Variants in RPAP1 observed in about 807,000 individuals in gnomAD.
RPAP1 encodes the protein RNA polymerase II associated protein 1, also known as RNA polymerase II-associated protein 1.
A neutral mutation model predicts 142.4 loss-of-function variants in RPAP1; 109 were observed. The observed-to-expected ratio is 0.77, with a 90% CI of 0.66 to 0.90. RPAP1 has a LOEUF of 0.90. RPAP1 is among the 40% of genes least tolerant of loss of function. The probability of loss-of-function intolerance (pLI) is 0.00; values close to 1 mark genes in which losing one functional copy is unlikely to be tolerated. For synonymous variants in RPAP1, 704 were observed against 738.9 expected (o/e 0.95, Z 0.77); for missense variants, 1,546 against 1,751.7 (o/e 0.88, Z 2.10).
intron 22 of RPAP1, 42 bp from the exon 23 acceptor site, chr15:41,518,224 T>C (rs750442351): frequency 7.3e-6 from 11 of 1,505,358 alleles, no homozygotes; most frequent in Admixed American, 4.6e-5. Context: ...AGGGTAGGAA[T>C]GTATATACAT....
chr15:41,540,197 T>G (rs548539740), intron 1 of RPAP1, among the ~76,000 whole-genome samples: 9 of 152,326 alleles, frequency 5.9e-5, no homozygotes, highest in Non-Finnish European at 1.0e-4. Flanking sequence ...TATTGTTATA[T>G]CTAACACTTA....
rs376725828 is a variant in RPAP1, at chr15:41,530,987, T to C, written c.943+36A>G. ...GGAAAAGGGACAATTTCCCCTACTT[T>C]TATCCACCAAAATATGACCCCCGCC... On this transcript the variant is annotated intron_variant, in intron 7 of 24. Coordinates refer to ENST00000304330, the MANE Select transcript of RPAP1 (RefSeq NM_015540.4). The C allele has an allele frequency of 7.0e-6, 11 of 1,582,376 alleles. No homozygotes were observed. In the African/African-American group the frequency reaches 1.2e-4, roughly 17 times the overall value.
Position 41,522,819 on chromosome 15 carries a change from G to A in RPAP1, c.2688C>T (p.Ala896=), listed in dbSNP as rs1405604517. ...CCAGGGTATTAAGAAGAGAGAGGAGGGCAGTGAGGAATGGGAAGGGTGAGG... is the reference window on the plus strand; with the variant it reads ...CCAGGGTATTAAGAAGAGAGAGGAGAGCAGTGAGGAATGGGAAGGGTGAGG... ...GSASPFPFLT[A]LLSLLNTLAQ... The change falls in exon 19 of 25, where the codon GCC becomes GCT. Residue 896 remains alanine, a synonymous_variant. Coordinates refer to ENST00000304330, the MANE Select transcript of RPAP1 (RefSeq NM_015540.4). 6.3e-7 allele frequency: 1 copy of A among 1,586,188 alleles called. No homozygotes were observed. The highest frequency in any genetic ancestry group is 8.5e-7 in the Non-Finnish European group (1 of 1,171,042).
At chr15:41,531,274 C>G in intron 6 of RPAP1, 72 bp from the exon 7 acceptor site, 1 of 1,429,120 alleles carries the variant, frequency 7.0e-7, no homozygotes, top group South Asian at 1.3e-5. Flanking sequence ...CTGGAACCCG[C>G]TGAATATCGC....
chr15:41,524,001 G>A (rs1347716382), intron 16 of RPAP1, 29 bp from the exon 17 acceptor site: 3 of 1,612,968 alleles, frequency 1.9e-6, no homozygotes, highest in Non-Finnish European at 2.5e-6. Context: ...GTGCCACAGT[G>A]AGGATCTGGC....
chr15:41,536,419 T>C, intron 3 of RPAP1, 82 bp downstream of exon 3: 8 of 1,555,100 alleles, frequency 5.1e-6, no homozygotes, highest in Non-Finnish European at 7.0e-6. Flanking sequence ...CACCCTCCAC[T>C]GATAAGCCTC....
intron 1 of RPAP1, among the ~76,000 whole-genome samples, chr15:41,541,986 G>A (rs1481300795): frequency 6.6e-6 from 1 of 152,170 alleles, no homozygotes; most frequent in Non-Finnish European, 1.5e-5. Context: ...GGTAGAAATG[G>A]TGAAACAATC....
intron 1 of RPAP1, among the ~76,000 whole-genome samples, chr15:41,543,208 T>C (rs1043296118): frequency 1.4e-5 from 2 of 143,856 alleles, no homozygotes; most frequent in African/African-American, 5.2e-5. Flanking sequence ...GTCCTTTTTT[T>C]TTTTTTTTTT....
At chr15:41,526,192 C>T (rs2051788506) in intron 14 of RPAP1, among the ~76,000 whole-genome samples, 1 of 152,136 alleles carries the variant, frequency 6.6e-6, no homozygotes, top group Non-Finnish European at 1.5e-5. Context: ...TCAAGTGATC[C>T]ACCACCTCGG....
chr15:41,527,234 G>A lies in RPAP1; in HGVS notation c.1679C>T (p.Ala560Val), dbSNP rs140704516. The A allele has an allele frequency of 3.3e-4, 532 of 1,614,112 alleles. No homozygotes were observed. Among genetic ancestry groups the A allele is most frequent in the Non-Finnish European group, 4.2e-4 (496 of 1,180,048 alleles). ...YVLEVTYPGP[A>V]VVLDILAVLI... Reference sequence around the variant, plus strand: ...CACAGCCAGGATGTCAAGGACCACCGCAGGTCCTGGGTATGTCACCTCCAG... The same window carrying A: ...CACAGCCAGGATGTCAAGGACCACCACAGGTCCTGGGTATGTCACCTCCAG... Residue 560 changes from alanine (A) to valine (V), a missense_variant, in exon 13 of 25, where the codon GCG (alanine) becomes GTG (valine). This residue lies in a region of RPAP1 where 1,333 missense variants were observed against 1,486.6 expected (regional missense o/e 0.90). Coordinates refer to ENST00000304330, the MANE Select transcript of RPAP1 (RefSeq NM_015540.4).
intron 17 of RPAP1, 80 bp downstream of exon 17, chr15:41,523,689 GAC>G (rs1172755025): frequency 8.4e-7 from 1 of 1,187,254 alleles, no homozygotes; most frequent in African/African-American, 1.5e-5. Flanking sequence ...TGGAGAGATG[GAC>G]ACAGAGAGGG....
At chr15:41,524,948 A>T in intron 15 of RPAP1, 43 bp downstream of exon 15, 1 of 1,601,876 alleles carries the variant, frequency 6.2e-7, no homozygotes, top group South Asian at 1.1e-5. Context: ...GAAGAGCAGA[A>T]CTGAAGGTGT....
rs768469247 is a variant in RPAP1 at position 41,527,163 on chromosome 15, T to C, written c.1746+4A>G. The C allele has an allele frequency of 1.2e-6, 2 of 1,614,062 alleles. No individual in the cohort carries two copies. Among genetic ancestry groups the C allele is most frequent in the African/African-American group, 2.7e-5 (2 of 74,944 alleles). ...TGCCCATTCCCTGCTCCCTTTTTTC[T>C]CACCCTTGTGGCTGATTCCAGGGAA... On this transcript the variant is annotated splice_donor_region_variant and intron_variant, in intron 13 of 24. Coordinates refer to ENST00000304330, the MANE Select transcript of RPAP1 (RefSeq NM_015540.4).
chr15:41,531,273 G>C, intron 6 of RPAP1, 71 bp from the exon 7 acceptor site: 2 of 1,419,182 alleles, frequency 1.4e-6, no homozygotes, highest in Non-Finnish European at 1.9e-6. Flanking sequence ...CCTGGAACCC[G>C]CTGAATATCG....
intron 5 of RPAP1, 135 bp from the exon 6 acceptor site, chr15:41,535,070 T>TG: frequency 1.3e-6 from 1 of 778,156 alleles, no homozygotes; most frequent in Non-Finnish European, 2.0e-6. Context: ...GAGACCCCAC[T>TG]GGGTCTGGCA....
rs1224389800 is a variant in RPAP1, at chr15:41,525,040, G to A, written c.2026C>T (p.Arg676Cys). 8 of 1,613,930 alleles carry A rather than the reference G, an allele frequency of 5.0e-6. No homozygotes were observed. Among genetic ancestry groups the A allele is most frequent in the African/African-American group, 4.0e-5 (3 of 74,916 alleles). ...EAEMLSTEAL[R>C]LWAVAASYGQ... ...TAGGAGGCAGCCACAGCCCACAGACGGAGGGCCTCGGTGCTCAGCATCTCA... is the reference window on the plus strand; with the variant it reads ...TAGGAGGCAGCCACAGCCCACAGACAGAGGGCCTCGGTGCTCAGCATCTCA... The change falls in exon 15 of 25, where the codon CGT becomes TGT. Residue 676 changes from arginine to cysteine, a missense_variant. By Grantham distance (180) the Arg-to-Cys change is radical (BLOSUM62 -3). Transcript: ENST00000304330.
chr15:41,525,091 C>G lies in RPAP1; in HGVS notation c.1975G>C (p.Glu659Gln). 1.2e-6 allele frequency: 2 copies of G among 1,613,978 alleles called. No homozygotes were observed. Among genetic ancestry groups the G allele is most frequent in the East Asian group, 2.2e-5 (1 of 44,856 alleles). The change falls in exon 15 of 25, where the codon GAA (glutamate) becomes CAA (glutamine). Residue 659 changes from glutamate (E) to glutamine (Q), a missense_variant. Physicochemically the swap from Glu to Gln is conservative, Grantham distance 29. Around this residue, in one of 3 missense-constraint regions of RPAP1, gnomAD observed 1,333 missense variants for 1,486.6 expected, o/e 0.90. Coordinates refer to ENST00000304330, the MANE Select transcript of RPAP1 (RefSeq NM_015540.4). ...GCTTCCTCTGGGGGCAAGGCCAGTT[C>G]TTGGGGAGCCTCAGCTATGATGCGG... ...LCRIIAEAPQELALPPEEAEM... is the reference protein window; with the variant it reads ...LCRIIAEAPQQLALPPEEAEM...
chr15:41,525,654 T>C (rs959723951), intron 14 of RPAP1, among the ~76,000 whole-genome samples: 2 of 147,712 alleles, frequency 1.4e-5, no homozygotes, highest in Non-Finnish European at 3.0e-5. Flanking sequence ...TTTTTTTATT[T>C]TTATTATTAT....
At chr15:41,521,963 G>A (rs2051730277) in intron 20 of RPAP1, 83 bp from the exon 21 acceptor site, 2 of 1,569,104 alleles carry the variant, frequency 1.3e-6, no homozygotes, top group African/African-American at 1.4e-5. Flanking sequence ...TAAAAGTGAG[G>A]CTGAAGGGCA....
Sources: gnomAD v4.1 joint callset for allele counts (sites outside exome capture counted in the v4.1 genomes callset) on GRCh38, gnomAD v4.1.1 for gene constraint, gnomAD v4.1.1 regional missense constraint, MANE v1.5 for transcripts, NCBI Gene and HGNC (gene_info 2026-07-23, HGNC 2026-07-21) for gene names.